Variants in FAF1 observed in about 807,000 individuals in gnomAD.
FAF1 encodes the protein Fas associated factor 1.
Under a neutral mutation model 92.5 loss-of-function variants are expected in FAF1, and 25 were observed. The observed-to-expected ratio is 0.27, with a 90% confidence interval of 0.20 to 0.38. FAF1 has a LOEUF of 0.38. FAF1 is among the 10% of genes least tolerant of loss of function. The pLI is 1.00. For synonymous variants in FAF1, 234 were observed against 273.2 expected, an observed-to-expected ratio of 0.86 and a Z score of 1.42; for missense variants, 636 against 793.3, an observed-to-expected ratio of 0.80 and a Z score of 2.38.
intron 8 of FAF1, among the ~76,000 whole-genome samples, chr1:50,607,474 C>G (rs530509775): frequency 6.6e-6 from 1 of 152,220 alleles, no homozygotes; most frequent in East Asian, 1.9e-4. Context: ...CCAGCCATTA[C>G]CTCCCACTAT....
chr1:50,823,185 AAGC>A (rs1486229143), intron 2 of FAF1, among the ~76,000 whole-genome samples: 1 of 152,202 alleles, frequency 6.6e-6, no homozygotes, highest in Non-Finnish European at 1.5e-5. Flanking sequence ...TTTATATTAC[AAGC>A]AGCAGCAGAA....
At chr1:50,819,698 TATATACATATATATATAC>T (rs1644016750) in intron 2 of FAF1, among the ~76,000 whole-genome samples, 1 of 57,696 alleles carries the variant, frequency 1.7e-5, no homozygotes, top group Non-Finnish European at 3.4e-5. Context: ...TATACATATA[TATATACATATATATATAC>T]GTATATATAT....
At chr1:50,936,420 T>TAC (rs1481465872) in intron 1 of FAF1, among the ~76,000 whole-genome samples, 3 of 152,124 alleles carry the variant, frequency 2.0e-5, no homozygotes, top group African/African-American at 7.2e-5. Context: ...TAATAATGCC[T>TAC]ACACACAAGT....
chr1:50,814,849 C>CACACATAT (rs1643952219), intron 2 of FAF1, among the ~76,000 whole-genome samples: 1 of 152,114 alleles, frequency 6.6e-6, no homozygotes, highest in African/African-American at 2.4e-5. Context: ...GCTACTATCA[C>CACACATAT]ACACACATAC....
intron 1 of FAF1, among the ~76,000 whole-genome samples, chr1:50,887,239 T>C (rs113927178): frequency 0.012 from 1,894 of 152,318 alleles, 42 homozygotes; most frequent in African/African-American, 0.042. Context: ...TGTTTTCTTG[T>C]AAATTTGTTT....
chr1:50,792,048 A>G (rs1372429952), intron 3 of FAF1, among the ~76,000 whole-genome samples: 1 of 152,152 alleles, frequency 6.6e-6, no homozygotes, highest in Non-Finnish European at 1.5e-5. Context: ...GCTAATTACG[A>G]TGATATGCCT....
intron 7 of FAF1, among the ~76,000 whole-genome samples, chr1:50,695,359 G>A (rs897149013): frequency 2.0e-5 from 3 of 151,862 alleles, no homozygotes; most frequent in Non-Finnish European, 4.4e-5. Context: ...AGCGAGCAGA[G>A]ATTGCACCAT....
rs1168345732 is a variant in FAF1 at position 50,439,264 on chromosome 1, T to G, written c.*2176A>C. On this transcript the variant is annotated 3_prime_UTR_variant, in exon 19 of 19. Coordinates refer to ENST00000396153, the MANE Select transcript of FAF1 (RefSeq NM_007051.3). ...TAATGCTCTGCTTGTATGAAAAGGATAAAATTGCTTTGGCCTTTTGTCTGA... is the reference window on the plus strand; with the variant it reads ...TAATGCTCTGCTTGTATGAAAAGGAGAAAATTGCTTTGGCCTTTTGTCTGA... 1 of 152,236 alleles carries G rather than the reference T, an allele frequency of 6.6e-6. No homozygotes were observed. The highest frequency in any genetic ancestry group is 1.5e-5 in the Non-Finnish European group (1 of 68,034). The allele number at this position is 152,236 out of a possible 1,614,324, so 9.4% of individuals were successfully genotyped here.
intron 1 of FAF1, among the ~76,000 whole-genome samples, chr1:50,887,166 C>T (rs1040391340): frequency 1.3e-5 from 2 of 152,190 alleles, no homozygotes; most frequent in Non-Finnish European, 2.9e-5. Flanking sequence ...CTGTTGGCTG[C>T]ATAAATGTCT....
chr1:50,588,987 C>T (rs1336049921), intron 9 of FAF1, among the ~76,000 whole-genome samples: 1 of 152,118 alleles, frequency 6.6e-6, no homozygotes, highest in East Asian at 1.9e-4. Context: ...ATTGCAGGGA[C>T]CAGCTAGGGT....
At chr1:50,540,673 T>C (rs1229084863) in intron 13 of FAF1, among the ~76,000 whole-genome samples, 1 of 152,248 alleles carries the variant, frequency 6.6e-6, no homozygotes, top group African/African-American at 2.4e-5. Flanking sequence ...TTAGCATTTC[T>C]TTCAAGAGAA....
At chr1:50,701,634 G>A (rs553805343) in intron 7 of FAF1, among the ~76,000 whole-genome samples, 90 of 152,168 alleles carry the variant, frequency 5.9e-4, no homozygotes, top group African/African-American at 2.0e-3. Context: ...AAAATCCGAC[G>A]TTAGGTTCAA....
chr1:50,708,255 G>A (rs1026044097), intron 6 of FAF1, among the ~76,000 whole-genome samples: 2 of 152,222 alleles, frequency 1.3e-5, no homozygotes, highest in African/African-American at 4.8e-5. Context: ...AGAAGTGACA[G>A]TAGCTTGGAC....
intron 4 of FAF1, among the ~76,000 whole-genome samples, chr1:50,757,693 T>C (rs889770783): frequency 6.6e-6 from 1 of 152,192 alleles, no homozygotes; most frequent in Non-Finnish European, 1.5e-5. Context: ...CCCTTTTTTA[T>C]TCAGTGTAAC....
intron 2 of FAF1, among the ~76,000 whole-genome samples, chr1:50,829,262 T>C (rs1014427517): frequency 6.6e-6 from 1 of 152,172 alleles, no homozygotes; most frequent in Non-Finnish European, 1.5e-5. Flanking sequence ...GGGAGAGGCA[T>C]TCCTGTGAGG....
In FAF1 at chr1:50,579,729, G is replaced by A. The variant is rs937777914; in HGVS notation, c.1113+2889C>T. ...ATTTGGAACCATCTACAAGTCATCCGGTCTGATTTCTTCACAAAGCAAACG... is the reference window on the plus strand; with the variant it reads ...ATTTGGAACCATCTACAAGTCATCCAGTCTGATTTCTTCACAAAGCAAACG... On this transcript the variant is annotated intron_variant, in intron 12 of 18. Coordinates refer to ENST00000396153, the MANE Select transcript of FAF1 (RefSeq NM_007051.3). Among the ~76,000 whole-genome samples the A allele has an allele frequency of 7.2e-5, 11 of 152,018 alleles. No homozygotes were observed. In the East Asian group the frequency reaches 1.2e-3, roughly 16 times the overall value.
intron 7 of FAF1, among the ~76,000 whole-genome samples, chr1:50,681,205 C>T (rs1656406054): frequency 6.6e-6 from 1 of 152,026 alleles, no homozygotes; most frequent in Admixed American, 6.6e-5. Flanking sequence ...TGCAACCACA[C>T]CCAGCTAATT....
At chr1:50,718,532 C>T (rs907887911) in intron 6 of FAF1, among the ~76,000 whole-genome samples, 26 of 152,138 alleles carry the variant, frequency 1.7e-4, no homozygotes, top group African/African-American at 6.3e-4. Flanking sequence ...CTGTTATGTG[C>T]ATATGTTATT....
chr1:50,778,838 G>GACACACAC (rs139878228), intron 4 of FAF1, among the ~76,000 whole-genome samples: 99 of 147,580 alleles, frequency 6.7e-4, no homozygotes, highest in African/African-American at 2.4e-3. Context: ...AAAACACACA[G>GACACACAC]ACACACACAC....
Sources: allele counts gnomAD v4.1 joint callset (sites outside exome capture counted in the v4.1 genomes callset), GRCh38; gene constraint gnomAD v4.1.1; transcripts MANE v1.5; gene names NCBI Gene and HGNC (gene_info 2026-07-23, HGNC 2026-07-21).